The following WWOX variants were observed in gnomAD, a reference collection of about 807,000 sequenced individuals.
WWOX encodes the protein WW domain-containing oxidoreductase.
Under a neutral mutation model 46.2 loss-of-function variants are expected in WWOX, and 69 were observed. That is an observed-to-expected ratio of 1.49 (90% CI 1.23 to 1.82). The LOEUF (loss-of-function observed/expected upper bound fraction) is 1.82. Ranked by LOEUF, WWOX falls within the 40% of genes most tolerant of loss-of-function variation. The pLI is 0.00. For missense variants in WWOX, 919 were observed against 542.6 expected, an observed-to-expected ratio of 1.69 and a Z score of -6.89; for synonymous variants, 359 against 202.6, an observed-to-expected ratio of 1.77 and a Z score of -6.56.
At chr16:78,756,648 C>T (rs1050825883) in intron 8 of WWOX, among the ~76,000 whole-genome samples, 1 of 152,188 alleles carries the variant, frequency 6.6e-6, no homozygotes, top group African/African-American at 2.4e-5. Context: ...CATTTTTACA[C>T]TCCTTTGTTT....
intron 8 of WWOX, among the ~76,000 whole-genome samples, chr16:79,084,676 G>A (rs915569290): frequency 1.3e-5 from 2 of 152,220 alleles, no homozygotes; most frequent in African/African-American, 4.8e-5. Flanking sequence ...GCCTCCCAAA[G>A]TGCTGGGATT....
intron 8 of WWOX, among the ~76,000 whole-genome samples, chr16:78,944,571 T>C (rs186575387): frequency 9.8e-5 from 15 of 152,310 alleles, no homozygotes; most frequent in African/African-American, 3.6e-4. Context: ...TACACATCTA[T>C]GTAAGCACTC....
chr16:78,890,452 C>T (rs778510218), intron 8 of WWOX: 1 of 152,140 alleles, frequency 6.6e-6, no homozygotes, highest in Admixed American at 6.5e-5. Context: ...GAGACTGTTC[C>T]CCCAGCCCCA....
At chr16:78,131,749 AT>A (rs539305261) in intron 4 of WWOX, among the ~76,000 whole-genome samples, 2 of 149,714 alleles carry the variant, frequency 1.3e-5, no homozygotes, top group African/African-American at 2.5e-5. Context: ...ACGCCCAGCT[AT>A]TTTTTTTGTA....
chr16:78,546,842 C>T (rs2044044710), intron 8 of WWOX, among the ~76,000 whole-genome samples: 1 of 152,138 alleles, frequency 6.6e-6, no homozygotes, highest in African/African-American at 2.4e-5. Flanking sequence ...ACTACCAGAC[C>T]TGGGCCAGGC....
At chr16:78,480,840 T>C (rs1004736980) in intron 8 of WWOX, among the ~76,000 whole-genome samples, 4 of 152,212 alleles carry the variant, frequency 2.6e-5, no homozygotes, top group Non-Finnish European at 5.9e-5. Flanking sequence ...GTTGGATGGA[T>C]TGAGACATCA....
At chr16:79,011,257 C>G (rs1343308583) in intron 8 of WWOX, among the ~76,000 whole-genome samples, 2 of 151,230 alleles carry the variant, frequency 1.3e-5, no homozygotes, top group Non-Finnish European at 2.9e-5. Flanking sequence ...AGAATAAGGA[C>G]ATTCTTCTAT....
rs11309218 is a variant in WWOX at position 79,089,333 on chromosome 16, CTT to C, written c.1057-122260_1057-122259del. Reference sequence around the variant, plus strand: ...CATCATGAACGTTCAAGGTGGGGACCTTTTTTTTTTTTTTTTGAGGCAGAGTC... The same window carrying C: ...CATCATGAACGTTCAAGGTGGGGACCTTTTTTTTTTTTTTGAGGCAGAGTC... On this transcript the variant is annotated intron_variant, in intron 8 of 8. Transcript: ENST00000566780. 2.0e-3 allele frequency among the ~76,000 whole-genome samples: 262 copies of C among 132,470 alleles called. 1 individual carries two copies. Among genetic ancestry groups the C allele is most frequent in the African/African-American group, 2.5e-3 (86 of 34,028 alleles). The allele number at this position is 132,470 out of a possible 152,430, so 86.9% of individuals were successfully genotyped here. A position where few individuals can be genotyped will look rare whatever the true frequency, so the allele number is the denominator to read the frequency against.
At chr16:79,019,481 A>G (rs1337598478) in intron 8 of WWOX, among the ~76,000 whole-genome samples, 4 of 152,180 alleles carry the variant, frequency 2.6e-5, no homozygotes, top group Non-Finnish European at 2.9e-5. Context: ...CAGTAAAAAT[A>G]TGATATTATA....
At chr16:78,343,102 T>C (rs2081042675) in intron 5 of WWOX, among the ~76,000 whole-genome samples, 1 of 120,960 alleles carries the variant, frequency 8.3e-6, no homozygotes, top group Middle Eastern at 3.7e-3. Flanking sequence ...TTCTTTTGTT[T>C]TCTTGTCAAC....
At chr16:78,564,132 C>T (rs545379971) in intron 8 of WWOX, among the ~76,000 whole-genome samples, 1 of 152,244 alleles carries the variant, frequency 6.6e-6, no homozygotes, top group Non-Finnish European at 1.5e-5. Flanking sequence ...CAGACACCTG[C>T]CCAGCTGAGC....
At chr16:78,435,005 A>G (rs78653084) in intron 8 of WWOX, among the ~76,000 whole-genome samples, 1 of 152,364 alleles carries the variant, frequency 6.6e-6, no homozygotes, top group Non-Finnish European at 1.5e-5. Context: ...TATGCTTAAT[A>G]AAGTCAGACT....
intron 8 of WWOX, among the ~76,000 whole-genome samples, chr16:79,086,036 C>T (rs143236698): frequency 6.6e-5 from 10 of 151,108 alleles, no homozygotes; most frequent in African/African-American, 2.4e-4. Context: ...TGTGGCACTG[C>T]ACTTCAACGT....
chr16:78,767,792 C>T (rs961119682), intron 8 of WWOX, among the ~76,000 whole-genome samples: 3 of 152,124 alleles, frequency 2.0e-5, no homozygotes, highest in Admixed American at 6.5e-5. Flanking sequence ...AGTGTTGATT[C>T]CCATTTCCCT....
chr16:78,463,715 C>T (rs1449880876), intron 8 of WWOX, among the ~76,000 whole-genome samples: 1 of 152,196 alleles, frequency 6.6e-6, no homozygotes, highest in African/African-American at 2.4e-5. Context: ...TCTCACTCTG[C>T]TCCATAAAAC....
intron 8 of WWOX, among the ~76,000 whole-genome samples, chr16:79,187,167 A>C (rs1355274553): frequency 2.0e-5 from 3 of 152,162 alleles, no homozygotes; most frequent in Non-Finnish European, 2.9e-5. Context: ...GAATTGAATG[A>C]CTTTGAGAAA....
chr16:79,095,888 A>G (rs990658638), intron 8 of WWOX, among the ~76,000 whole-genome samples: 7 of 142,680 alleles, frequency 4.9e-5, no homozygotes, highest in African/African-American at 1.8e-4. Context: ...TTTTTAAGAC[A>G]GAGTCTTGCT....
intron 8 of WWOX, among the ~76,000 whole-genome samples, chr16:78,974,767 C>G (rs940102624): frequency 6.6e-6 from 1 of 152,192 alleles, no homozygotes; most frequent in African/African-American, 2.4e-5. Context: ...TCCGCCAGCT[C>G]TCCACCCTTC....
intron 8 of WWOX, among the ~76,000 whole-genome samples, chr16:78,592,433 C>T (rs746755880): frequency 1.3e-5 from 2 of 152,230 alleles, no homozygotes; most frequent in African/African-American, 2.4e-5. Flanking sequence ...CACAAGCATG[C>T]AGATTGTAAG....
Sources: gnomAD v4.1 joint callset for allele counts (sites outside exome capture counted in the v4.1 genomes callset) on GRCh38, gnomAD v4.1.1 for gene constraint, MANE v1.5 for transcripts, NCBI Gene and HGNC (gene_info 2026-07-23, HGNC 2026-07-21) for gene names.